Variants in SLC13A3 observed in about 807,000 individuals in gnomAD.
SLC13A3 encodes the protein Na(+)/dicarboxylate cotransporter 3.
A neutral mutation model predicts 59.0 loss-of-function variants in SLC13A3; 40 were observed. The observed-to-expected ratio is 0.68, with a 90% CI of 0.53 to 0.88. The LOEUF (loss-of-function observed/expected upper bound fraction) is 0.88. Ranked by LOEUF, SLC13A3 falls within the 40% of genes least tolerant of loss-of-function variation. The probability of loss-of-function intolerance (pLI) is 0.00; values close to 1 mark genes in which losing one functional copy is unlikely to be tolerated. For synonymous variants in SLC13A3, 317 were observed against 330.3 expected (o/e 0.96, Z 0.44); for missense variants, 699 against 783.2 (o/e 0.89, Z 1.28).
intron 3 of SLC13A3, chr20:46,609,080 A>C: frequency 1.3e-6 from 2 of 1,548,554 alleles, no homozygotes; most frequent in Non-Finnish European, 1.7e-6. Context: ...AGGAAGAATC[A>C]ATGCCGGGGT....
Position 46,588,097 on chromosome 20 carries a change from C to T in SLC13A3, c.1083G>A (p.Pro361=), listed in dbSNP as rs1362803509. The part of the protein sequence containing the change: ...MFAILLFTRD[P]KFIPGWASLF... The stretch of plus-strand genomic sequence containing the variant: ...GGCTGGCCCAGCCAGGGATGAACTT[C>T]GGGTCCCGGGTGAAGAGGAGGATGG... The change falls in exon 8 of 13, where the codon CCG becomes CCA. Residue 361 remains proline, a synonymous_variant. Transcript: ENST00000279027. 8.1e-6 allele frequency: 13 copies of T among 1,612,556 alleles called. No homozygotes were observed. Among genetic ancestry groups the T allele is most frequent in the Non-Finnish European group, 1.0e-5 (12 of 1,179,202 alleles).
intron 1 of SLC13A3, among the ~76,000 whole-genome samples, chr20:46,677,801 A>G (rs777588817): frequency 1.3e-5 from 2 of 152,194 alleles, no homozygotes; most frequent in Non-Finnish European, 2.9e-5. Flanking sequence ...TCAGAGCCAA[A>G]GAGCAATAGG....
At chr20:46,581,446 G>T (rs1220317438) in intron 9 of SLC13A3, among the ~76,000 whole-genome samples, 1 of 152,212 alleles carries the variant, frequency 6.6e-6, no homozygotes, top group Non-Finnish European at 1.5e-5. Flanking sequence ...GACCCACTGG[G>T]CAAAGAGAAG....
chr20:46,672,534 A>T (rs114221702), upstream of SLC13A3, among the ~76,000 whole-genome samples: 231 of 152,310 alleles, frequency 1.5e-3, 1 homozygote, highest in African/African-American at 5.4e-3. Context: ...TTCAAATGCC[A>T]GTCCATATGT....
chr20:46,629,435 A>G lies in SLC13A3; in HGVS notation c.112-15710T>C, dbSNP rs8116583. Among the ~76,000 whole-genome samples, 960 of 152,310 alleles carry G rather than the reference A, an allele frequency of 6.3e-3. 13 individuals are homozygous for G. The highest frequency in any genetic ancestry group is 0.022 in the African/African-American group (918 of 41,564). ...AAGACAGTAAGCTCTTTCAACCTGC[A>G]TATGTTTTAGTTTTGGAGAAATGTT... is the stretch of plus-strand genomic sequence containing the variant. On this transcript the variant is annotated intron_variant, in intron 1 of 12. Transcript: ENST00000279027.
intron 1 of SLC13A3, among the ~76,000 whole-genome samples, chr20:46,659,713 C>CCA (rs1209361892): frequency 2.4e-4 from 25 of 106,270 alleles, no homozygotes; most frequent in African/African-American, 1.2e-3. Flanking sequence ...GAGACCCTAT[C>CCA]CCCCCCCCCC....
In SLC13A3 at chr20:46,642,785, T is replaced by C. The variant is rs551645737; in HGVS notation, c.111+8526A>G. On this transcript the variant is annotated intron_variant, in intron 1 of 12. Coordinates refer to ENST00000279027, the MANE Select transcript of SLC13A3 (RefSeq NM_022829.6). ...TGCCAACCTGGCTCTCGAATTAGCC[T>C]CTGATTATTCCCGGAGTGTCCAGGG... Among the ~76,000 whole-genome samples, 7 of 152,288 alleles carry C rather than the reference T, an allele frequency of 4.6e-5. No individual in the cohort carries two copies. The East Asian group carries it at 1.4e-3, about 29-fold the overall frequency.
At chr20:46,631,518 T>C (rs1004690002) in intron 1 of SLC13A3, among the ~76,000 whole-genome samples, 1 of 152,124 alleles carries the variant, frequency 6.6e-6, no homozygotes, top group African/African-American at 2.4e-5. Flanking sequence ...AGGGCTGCCA[T>C]GTGGGCGAGG....
chr20:46,595,978 C>T (rs754757209), intron 5 of SLC13A3, among the ~76,000 whole-genome samples, 179 bp downstream of exon 5: 2 of 152,194 alleles, frequency 1.3e-5, no homozygotes, highest in Non-Finnish European at 2.9e-5. Context: ...TTGCCTGTCT[C>T]TCCCGCCAGA....
intron 11 of SLC13A3, among the ~76,000 whole-genome samples, chr20:46,565,780 T>C (rs772190967): frequency 2.0e-5 from 3 of 152,316 alleles, no homozygotes; most frequent in Non-Finnish European, 2.9e-5. Context: ...GGGATGCCAC[T>C]ACACACCCTG....
chr20:46,623,684 T>G (rs1230159916), intron 1 of SLC13A3, among the ~76,000 whole-genome samples: 1 of 152,222 alleles, frequency 6.6e-6, no homozygotes, highest in East Asian at 1.9e-4. Flanking sequence ...GAATTCTAAT[T>G]TTTAAACTCT....
At chr20:46,643,147 C>CA (rs11475398) in intron 1 of SLC13A3, among the ~76,000 whole-genome samples, 17 of 143,802 alleles carry the variant, frequency 1.2e-4, no homozygotes, top group East Asian at 4.0e-4. Context: ...GTAAGCAGGA[C>CA]AAAAAAAAAA....
At chr20:46,606,553 G>A (rs532071077) in intron 3 of SLC13A3, among the ~76,000 whole-genome samples, 2 of 152,236 alleles carry the variant, frequency 1.3e-5, no homozygotes, top group African/African-American at 4.8e-5. Context: ...AAAGCCAGGT[G>A]GAAGGCCAGA....
At position 46,559,840 on chromosome 20, in the gene SLC13A3, A is replaced by G. The variant is rs1027315964; in HGVS notation, c.*182T>C. On this transcript the variant is annotated 3_prime_UTR_variant, in exon 13 of 13. Coordinates refer to ENST00000279027, the MANE Select transcript of SLC13A3 (RefSeq NM_022829.6). ...ATACCTGGGCTTTGAACTGCATGAA[A>G]GAGAGAGAAAGTATCCTAGATAATG... 1.9e-5 allele frequency: 11 copies of G among 592,108 alleles called. No homozygotes were observed. In the African/African-American group the frequency reaches 2.0e-4, roughly 11 times the overall value. The allele number at this position is 592,108 out of a possible 1,614,324, so 36.7% of individuals were successfully genotyped here. A position where few individuals can be genotyped will look rare whatever the true frequency, so the allele number is the denominator to read the frequency against.
intron 1 of SLC13A3, among the ~76,000 whole-genome samples, chr20:46,621,320 C>T (rs1335919960): frequency 6.6e-6 from 1 of 152,142 alleles, no homozygotes; most frequent in Non-Finnish European, 1.5e-5. Context: ...ATGGTTTCTT[C>T]TGACTTCTTT....
chr20:46,596,703 T>C (rs998411529), intron 4 of SLC13A3, among the ~76,000 whole-genome samples: 8 of 152,212 alleles, frequency 5.3e-5, no homozygotes, highest in African/African-American at 1.9e-4. Flanking sequence ...TGTCCAGTCA[T>C]AAACTATAGT....
intron 1 of SLC13A3, among the ~76,000 whole-genome samples, chr20:46,668,260 CCAAA>C (rs758083720): frequency 6.6e-6 from 1 of 152,286 alleles, no homozygotes; most frequent in African/African-American, 2.4e-5. Context: ...GCCTCTTGTG[CCAAA>C]CAGTTAGCCA....
intron 1 of SLC13A3, among the ~76,000 whole-genome samples, chr20:46,622,613 GGTGTGTGCGTGTGTGTGTGTGTGT>G (rs2062627249): frequency 8.9e-6 from 1 of 112,070 alleles, no homozygotes. Context: ...ATTGGTGTGT[GGTGTGTGCGTGTGTGTGTGTGTGT>G]GTGTGTGTGT....
chr20:46,612,178 A>G (rs2062505902), intron 2 of SLC13A3, among the ~76,000 whole-genome samples: 1 of 112,704 alleles, frequency 8.9e-6, no homozygotes, highest in South Asian at 2.9e-4. Flanking sequence ...CTGAGGTTGG[A>G]GTACAGTGAG....
Sources: gnomAD v4.1 joint callset for allele counts (sites outside exome capture counted in the v4.1 genomes callset) on GRCh38, gnomAD v4.1.1 for gene constraint, MANE v1.5 for transcripts, NCBI Gene and HGNC (gene_info 2026-07-23, HGNC 2026-07-21) for gene names.